Variants in PSPC1 observed in about 807,000 individuals in gnomAD.
The protein encoded by PSPC1 is paraspeckle protein 1.
Under a neutral mutation model 51.6 loss-of-function variants are expected in PSPC1, and 14 were observed. The ratio of observed to expected loss-of-function variants is 0.27; its 90% CI spans 0.18 to 0.42. The LOEUF is 0.42. Among genes scored for constraint, PSPC1 ranks in the 10% least tolerant of loss-of-function variants. The probability of loss-of-function intolerance (pLI) is 1.00; values close to 1 mark genes in which losing one functional copy is unlikely to be tolerated. For synonymous variants in PSPC1, 193 were observed against 231.9 expected, an observed-to-expected ratio of 0.83 and a Z score of 1.53; for missense variants, 406 against 701.1, an observed-to-expected ratio of 0.58 and a Z score of 4.75.
In PSPC1 at chr13:19,782,731, T is replaced by C. The variant is rs1191666711; in HGVS notation, c.27A>G (p.Gln9=). 2 of 1,566,692 alleles carry C rather than the reference T, an allele frequency of 1.3e-6. No homozygotes were observed. Among genetic ancestry groups the C allele is most frequent in the South Asian group, 2.3e-5 (2 of 87,474 alleles). ...GGGCCGGGTTTTTCTCAATGCGCACTTGCTTCAGGTTTCCTCTTAACATCA... is the reference window on the plus strand; with the variant it reads ...GGGCCGGGTTTTTCTCAATGCGCACCTGCTTCAGGTTTCCTCTTAACATCA... MMLRGNLK[Q]VRIEKNPARL... Residue 9 remains glutamine, a synonymous_variant, in exon 1 of 9, where the codon CAA becomes CAG. Transcript: ENST00000338910. This position sits in a 1 kb window ranked among gnomAD's most constrained non-coding sequence, Gnocchi z 4.5.
intron 6 of PSPC1, among the ~76,000 whole-genome samples, chr13:19,718,323 T>C (rs1882370980): frequency 6.6e-6 from 1 of 152,202 alleles, no homozygotes; most frequent in African/African-American, 2.4e-5. Flanking sequence ...CCCATGAATA[T>C]CTGGGAAAAT....
chr13:19,694,340 GA>G (rs1486478174), intron 6 of PSPC1, among the ~76,000 whole-genome samples: 3 of 151,462 alleles, frequency 2.0e-5, no homozygotes, highest in Non-Finnish European at 4.4e-5. Flanking sequence ...TCAGGGCCAA[GA>G]AAAATATTTC....
intron 2 of PSPC1, among the ~76,000 whole-genome samples, chr13:19,764,621 G>A (rs1049217669): frequency 1.2e-4 from 15 of 128,018 alleles, no homozygotes; most frequent in African/African-American, 4.3e-4. Context: ...AGGAATTCCA[G>A]GTTACAATGA....
intron 6 of PSPC1, among the ~76,000 whole-genome samples, chr13:19,728,295 G>C (rs185626794): frequency 6.6e-6 from 1 of 152,138 alleles, no homozygotes; most frequent in African/African-American, 2.4e-5. Context: ...GGCAAGAAGA[G>C]AGAGGTGGCA....
intron 2 of PSPC1, among the ~76,000 whole-genome samples, chr13:19,760,309 C>T (rs1309007839): frequency 1.3e-5 from 2 of 152,016 alleles, no homozygotes; most frequent in Non-Finnish European, 2.9e-5. Context: ...AGGCGGACTA[C>T]CTCAGGTCAA....
chr13:19,716,044 T>G (rs182843445), intron 6 of PSPC1, among the ~76,000 whole-genome samples: 1 of 151,934 alleles, frequency 6.6e-6, no homozygotes, highest in East Asian at 1.9e-4. Context: ...ATAAAAAAAT[T>G]AAATTCTATG....
chr13:19,740,882 T>C (rs1034663651), intron 5 of PSPC1, among the ~76,000 whole-genome samples: 2 of 151,974 alleles, frequency 1.3e-5, no homozygotes, highest in African/African-American at 2.4e-5. Flanking sequence ...AGAAATCTTT[T>C]TTTTTTTTTT....
rs554701384 is a variant in PSPC1, at chr13:19,739,064, G to A, written c.1052+2501C>T. Among the ~76,000 whole-genome samples, 14 of 152,222 alleles carry A rather than the reference G, an allele frequency of 9.2e-5. No individual in the cohort carries two copies. The South Asian group carries it at 2.9e-3, about 32-fold the overall frequency. ...GTAGGTACTAATCTGTTCATGTAACGTATACACACAAAGTGGTTTCAGAAC... is the reference window on the plus strand; with the variant it reads ...GTAGGTACTAATCTGTTCATGTAACATATACACACAAAGTGGTTTCAGAAC... On this transcript the variant is annotated intron_variant, in intron 5 of 8. Coordinates refer to ENST00000338910, the MANE Select transcript of PSPC1 (RefSeq NM_001354909.2).
At chr13:19,722,531 CTCCTGTAA>C (rs1264834877) in intron 6 of PSPC1, among the ~76,000 whole-genome samples, 1 of 152,110 alleles carries the variant, frequency 6.6e-6, no homozygotes. Flanking sequence ...TAGTGGCTCA[CTCCTGTAA>C]TCCCAACACT....
At chr13:19,718,464 C>A (rs1324088761) in intron 6 of PSPC1, among the ~76,000 whole-genome samples, 1 of 152,072 alleles carries the variant, frequency 6.6e-6, no homozygotes, top group Non-Finnish European at 1.5e-5. Flanking sequence ...GGTGACAATC[C>A]GAAACACTGA....
rs146990877 is a variant in PSPC1 at position 19,733,761 on chromosome 13, T to C, written c.1053-3417A>G. ...CTGGGTGACAGAGCAAGGCTCCATT[T>C]CAAAAACAAGAAAAAAGAAAAAAAA... On this transcript the variant is annotated intron_variant, in intron 5 of 8. Coordinates refer to ENST00000338910, the MANE Select transcript of PSPC1 (RefSeq NM_001354909.2). Among the ~76,000 whole-genome samples the C allele has an allele frequency of 6.1e-3, 611 of 99,874 alleles. 2 individuals carry two copies. Among genetic ancestry groups the C allele is most frequent in the Non-Finnish European group, 9.7e-3 (489 of 50,438 alleles). 65.5% of individuals were successfully genotyped at this position (99,874 alleles called of 152,430 possible).
chr13:19,760,021 C>T (rs1887465107), intron 2 of PSPC1, among the ~76,000 whole-genome samples: 1 of 151,952 alleles, frequency 6.6e-6, no homozygotes, highest in Non-Finnish European at 1.5e-5. Flanking sequence ...TGTACCTAAC[C>T]CATGTTTTAT....
At chr13:19,780,153 C>CT (rs1889775928) in intron 1 of PSPC1, among the ~76,000 whole-genome samples, 3 of 34,864 alleles carry the variant, frequency 8.6e-5, no homozygotes, top group Non-Finnish European at 2.0e-4. Flanking sequence ...ATCAGCCCCC[C>CT]GCCCGGCCAG....
chr13:19,690,414 T>C (rs1359936347), intron 6 of PSPC1, among the ~76,000 whole-genome samples: 1 of 152,238 alleles, frequency 6.6e-6, no homozygotes, highest in Non-Finnish European at 1.5e-5. Context: ...AGTGAACCTC[T>C]CCCATTTGTG....
chr13:19,712,114 A>G (rs1881518286), intron 6 of PSPC1, among the ~76,000 whole-genome samples: 1 of 152,218 alleles, frequency 6.6e-6, no homozygotes, highest in African/African-American at 2.4e-5. Context: ...AATATAGTAG[A>G]CATTTCGTTG....
chr13:19,751,161 A>G, intron 4 of PSPC1, 110 bp downstream of exon 4: 1 of 818,134 alleles, frequency 1.2e-6, no homozygotes. Context: ...TTGAGTTCCA[A>G]CTTTACCTCT....
At chr13:19,762,176 C>A (rs1011224110) in intron 2 of PSPC1, among the ~76,000 whole-genome samples, 2 of 152,182 alleles carry the variant, frequency 1.3e-5, no homozygotes, top group African/African-American at 4.8e-5. Flanking sequence ...TTAATCGATA[C>A]AAACAAGTTT....
At chr13:19,686,255 G>C (rs528353590) in intron 6 of PSPC1, among the ~76,000 whole-genome samples, 1 of 152,262 alleles carries the variant, frequency 6.6e-6, no homozygotes, top group Admixed American at 6.5e-5. Context: ...ATTCTCAACA[G>C]AGCAATCTCC....
chr13:19,703,774 C>T lies in PSPC1; in HGVS notation c.1387-414G>A, dbSNP rs184939618. ...ATAAAACTGGGGAGCAGCATCAATT[C>T]GGTTTTTTAAAAGTAAACATTCTAA... On this transcript the variant is annotated intron_variant, in intron 8 of 8. Transcript: ENST00000338910. 6.2e-4 allele frequency among the ~76,000 whole-genome samples: 94 copies of T among 152,122 alleles called. 1 individual carries two copies. Among genetic ancestry groups the T allele is most frequent in the East Asian group, 5.8e-3 (30 of 5,180 alleles).
Sources: allele counts gnomAD v4.1 joint callset (sites outside exome capture counted in the v4.1 genomes callset), GRCh38; gene constraint gnomAD v4.1.1; non-coding constraint Gnocchi (gnomAD v3.1); transcripts MANE v1.5; gene names NCBI Gene and HGNC (gene_info 2026-07-23, HGNC 2026-07-21).